CDT1: variants seen among roughly 807,000 people sequenced by gnomAD.
CDT1 encodes chromatin licensing and DNA replication factor 1.
A neutral mutation model predicts 49.3 loss-of-function variants in CDT1; 66 were observed. That is an observed-to-expected ratio of 1.34 (90% CI 1.10 to 1.64). The LOEUF is 1.64. Among genes scored for constraint, CDT1 ranks in the 40% most tolerant of loss-of-function variants. The pLI, the probability that CDT1 is intolerant of heterozygous loss-of-function variation, is 0.00. For missense variants in CDT1, 958 were observed against 807.7 expected (o/e 1.19, Z -2.26); for synonymous variants, 424 against 347.4 (o/e 1.22, Z -2.45).
chr16:88,807,215 C>T lies in CDT1; in HGVS notation c.1275+12C>T, dbSNP rs1397884032. ...ATCTGCTGGAGCGGGTGAGTCGTCC[C>T]CAGTGATGGCGGGTGGGCGCCTGGT... On this transcript the variant is annotated intron_variant, in intron 8 of 9. Transcript: ENST00000301019. The T allele has an allele frequency of 6.2e-7, 1 of 1,612,002 alleles. No homozygotes were observed. Among genetic ancestry groups the T allele is most frequent in the Admixed American group, 1.7e-5 (1 of 59,914 alleles).
Position 88,808,206 on chromosome 16 carries a change from G to A in CDT1, c.1569G>A (p.Leu523=), listed in dbSNP as rs772466815. Residue 523 remains leucine, a synonymous_variant, in exon 10 of 10, where the codon CTG becomes CTA. Coordinates refer to ENST00000301019, the MANE Select transcript of CDT1 (RefSeq NM_030928.4). ...HRIRTDTYVK[L]DKAADLAHIT... ...TCCGCACCGACACCTACGTCAAGCT[G>A]GACAAGGCCGCGGACCTCGCCCACA... 9 of 1,612,198 alleles carry A rather than the reference G, an allele frequency of 5.6e-6. No individual in the cohort carries two copies. Among genetic ancestry groups the A allele is most frequent in the African/African-American group, 2.7e-5 (2 of 74,942 alleles).
In CDT1 at chr16:88,805,724, G is replaced by A. The variant is rs746159430; in HGVS notation, c.687G>A (p.Arg229=). The part of the protein sequence containing the change: ...VQRGVQDMMR[R]RFEECNVGQI... ...CTGAGCCGCCCCCATCCTCCCATAG[G>A]CGTTTTGAGGAGTGCAATGTTGGCC... The change falls in exon 5 of 10, where the codon AGG becomes AGA. Residue 229 remains arginine (R), a splice_region_variant and synonymous_variant. Coordinates refer to ENST00000301019, the MANE Select transcript of CDT1 (RefSeq NM_030928.4). 6.3e-5 allele frequency: 101 copies of A among 1,612,826 alleles called. 2 individuals carry two copies. The East Asian group carries it at 2.3e-3, about 36-fold the overall frequency.
At position 88,807,094 on chromosome 16, in the gene CDT1, C is replaced by T. The variant is rs563958108; in HGVS notation, c.1166C>T (p.Pro389Leu). 6.2e-7 allele frequency: 1 copy of T among 1,612,818 alleles called. No homozygotes were observed. The highest frequency in any genetic ancestry group is 1.3e-5 in the African/African-American group (1 of 75,054). Residue 389 changes from proline (P) to leucine (L), a missense_variant, in exon 8 of 10, where the codon CCC becomes CTC. By Grantham distance (98) the Pro-to-Leu change is moderately conservative. Transcript: ENST00000301019. ...LSQLALRSAA[P>L]SSPGSPRPAL... ...CAATTGGCCCTGCGCTCTGCTGCGCCCAGCAGCCCCGGGTCTCCCAGGCCA... is the reference window on the plus strand; with the variant it reads ...CAATTGGCCCTGCGCTCTGCTGCGCTCAGCAGCCCCGGGTCTCCCAGGCCA...
chr16:88,803,828 C>T lies in CDT1; in HGVS notation c.-4C>T, dbSNP rs1326090963. 10 of 1,514,820 alleles carry T rather than the reference C, an allele frequency of 6.6e-6. No homozygotes were observed. The highest frequency in any genetic ancestry group is 4.3e-5 in the African/African-American group (3 of 69,232). 93.8% of individuals were successfully genotyped at this position (1,514,820 alleles called of 1,614,324 possible). A position where few individuals can be genotyped will look rare whatever the true frequency, so the allele number is the denominator to read the frequency against. On this transcript the variant is annotated 5_prime_UTR_variant, in exon 1 of 10. Coordinates refer to ENST00000301019, the MANE Select transcript of CDT1 (RefSeq NM_030928.4). ...TCCTTGCTTTCGCCGCGCACTCCGCCGCCATGGAGCAGCGCCGCGTCACCG... is the reference window on the plus strand; with the variant it reads ...TCCTTGCTTTCGCCGCGCACTCCGCTGCCATGGAGCAGCGCCGCGTCACCG...
In CDT1 at chr16:88,804,056, C is replaced by T; in HGVS notation, c.225C>T (p.Asp75=). ...PARRRLRLSV[D]EVSSPSTPEA... is the part of the protein sequence containing the mutation. ...GCAGGAGACTGCGGCTGTCGGTGGACGAGGTGAGGGGCGTGGGGAGACTGA... is the reference window on the plus strand; with the variant it reads ...GCAGGAGACTGCGGCTGTCGGTGGATGAGGTGAGGGGCGTGGGGAGACTGA... Residue 75 remains aspartate (D), a synonymous_variant, in exon 1 of 10, where the codon GAC becomes GAT. Transcript: ENST00000301019. 4.1e-6 allele frequency: 6 copies of T among 1,446,608 alleles called. No homozygotes were observed. Among genetic ancestry groups the T allele is most frequent in the Non-Finnish European group, 5.4e-6 (6 of 1,106,434 alleles). 89.6% of individuals were successfully genotyped at this position (1,446,608 alleles called of 1,614,324 possible). A position where few individuals can be genotyped will look rare whatever the true frequency, so the allele number is the denominator to read the frequency against.
chr16:88,807,163 C>G lies in CDT1; in HGVS notation c.1235C>G (p.Pro412Arg). The change falls in exon 8 of 10, where the codon CCC (proline) becomes CGC (arginine). Residue 412 changes from proline to arginine, a missense_variant. Physicochemically the swap from Pro to Arg is moderately radical, Grantham distance 103 (BLOSUM62 -2). Transcript: ENST00000301019. ...TPPATPPAAS[P>R]SALKGVSQDL... ...CCAGCCACCCCGCCTGCAGCCTCTCCCAGTGCTCTGAAGGGGGTGTCCCAG... is the reference window on the plus strand; with the variant it reads ...CCAGCCACCCCGCCTGCAGCCTCTCGCAGTGCTCTGAAGGGGGTGTCCCAG... 6.2e-7 allele frequency: 1 copy of G among 1,612,548 alleles called. No homozygotes were observed. The highest frequency in any genetic ancestry group is 8.5e-7 in the Non-Finnish European group (1 of 1,179,862).
chr16:88,809,220 ACCT>A lies in CDT1; in HGVS notation c.*946_*948del, dbSNP rs1018724506. 11 of 347,052 alleles carry A rather than the reference ACCT, an allele frequency of 3.2e-5. No homozygotes were observed. The highest frequency in any genetic ancestry group is 8.6e-5 in the African/African-American group (4 of 46,576). 21.5% of individuals were successfully genotyped at this position (347,052 alleles called of 1,614,324 possible). Reference sequence around the variant, plus strand: ...CCACACCTTGACTTCAGTATTTCTGACCTCCTAAACTCTAATAAAGTCATGCTT... The same window carrying A: ...CCACACCTTGACTTCAGTATTTCTGACCTAAACTCTAATAAAGTCATGCTT... On this transcript the variant is annotated 3_prime_UTR_variant, in exon 10 of 10. Transcript: ENST00000301019.
At chr16:88,804,210 G>T (rs1486537801) in intron 1 of CDT1, 151 bp downstream of exon 1, 2 of 673,234 alleles carry the variant, frequency 3.0e-6, no homozygotes, top group Admixed American at 3.8e-5. Flanking sequence ...CAGGCCGGGG[G>T]ATCCTGGGGG....
Position 88,807,121 on chromosome 16 carries a change from C to T in CDT1, c.1193C>T (p.Ala398Val), listed in dbSNP as rs775060554. ...AGCAGCCCCGGGTCTCCCAGGCCAG[C>T]ACTGCCGGCTACCCCACCAGCCACC... Reference protein sequence around the residue: ...APSSPGSPRPALPATPPATPP... With the variant: ...APSSPGSPRPVLPATPPATPP... Residue 398 changes from alanine to valine, a missense_variant, in exon 8 of 10, where the codon GCA (alanine) becomes GTA (valine). Ala to Val is a moderately conservative substitution (Grantham distance 64, BLOSUM62 0). Transcript: ENST00000301019. 2 of 1,612,758 alleles carry T rather than the reference C, an allele frequency of 1.2e-6. No individual in the cohort carries two copies. The highest frequency in any genetic ancestry group is 2.2e-5 in the East Asian group (1 of 44,884).
In CDT1 at chr16:88,807,983, C is replaced by G. The variant is rs531018071; in HGVS notation, c.1478-132C>G. 16 of 988,038 alleles carry G rather than the reference C, an allele frequency of 1.6e-5. No homozygotes were observed. The African/African-American group carries it at 2.1e-4, about 13-fold the overall frequency. 61.2% of individuals were successfully genotyped at this position (988,038 alleles called of 1,614,324 possible). A position where few individuals can be genotyped will look rare whatever the true frequency, so the allele number is the denominator to read the frequency against. ...GCCTCTGATCAGAACCACCTCTGCCCTAAGTCCTGGTGATGGGGCCCTGAG... is the reference window on the plus strand; with the variant it reads ...GCCTCTGATCAGAACCACCTCTGCCGTAAGTCCTGGTGATGGGGCCCTGAG... On this transcript the variant is annotated intron_variant, in intron 9 of 9. Transcript: ENST00000301019.
chr16:88,808,005 T>C (rs1362228374), intron 9 of CDT1, 110 bp from the exon 10 acceptor site: 1 of 1,269,312 alleles, frequency 7.9e-7, no homozygotes, highest in Non-Finnish European at 1.1e-6. Context: ...GATGGGGCCC[T>C]GAGGGCGACC....
Position 88,807,499 on chromosome 16 carries a change from G to A in CDT1, c.1477+17G>A, listed in dbSNP as rs549161916. On this transcript the variant is annotated intron_variant, in intron 9 of 9. Transcript: ENST00000301019. ...TGAGCCCTGGTACGTGCAGGGCGGG[G>A]TGAAGGGGCGTGCAGGGTGGAATTG... The A allele has an allele frequency of 6.2e-7, 1 of 1,609,048 alleles. No individual in the cohort carries two copies.
At position 88,805,439 on chromosome 16, in the gene CDT1, G is replaced by A. The variant is rs779758670; in HGVS notation, c.489-1G>A. 1 of 1,612,544 alleles carries A rather than the reference G, an allele frequency of 6.2e-7. No homozygotes were observed. The highest frequency in any genetic ancestry group is 8.5e-7 in the Non-Finnish European group (1 of 1,179,862). On this transcript the variant is annotated splice_acceptor_variant, in intron 3 of 9. Transcript: ENST00000301019. LOFTEE classifies it high-confidence loss of function. ...TCATGAGGCTCCTCCCTCCCTGACAGTGGCGAGAAGGCGCCCGCCTACCAG... is the reference window on the plus strand; with the variant it reads ...TCATGAGGCTCCTCCCTCCCTGACAATGGCGAGAAGGCGCCCGCCTACCAG...
intron 3 of CDT1, 53 bp from the exon 4 acceptor site, chr16:88,805,387 G>A (rs935593596): frequency 8.1e-6 from 13 of 1,602,380 alleles, no homozygotes; most frequent in African/African-American, 4.0e-5. Context: ...CTGCTGTGGC[G>A]TTGGAGGGGT....
At chr16:88,804,218 G>A (rs1425205224) in intron 1 of CDT1, among the ~76,000 whole-genome samples, 159 bp downstream of exon 1, 1 of 152,156 alleles carries the variant, frequency 6.6e-6, no homozygotes, top group Non-Finnish European at 1.5e-5. Flanking sequence ...GGGATCCTGG[G>A]GGCGCCCTGC....
chr16:88,808,294 T>A lies in CDT1; in HGVS notation c.*16T>A. ...GGGGCTGTGAGCCTGGGGGCCACTG[T>A]GGACAGACGTGGGCTTCAGAAGCTC... On this transcript the variant is annotated 3_prime_UTR_variant, in exon 10 of 10. Transcript: ENST00000301019. 6.4e-7 allele frequency: 1 copy of A among 1,567,526 alleles called. No homozygotes were observed. The highest frequency in any genetic ancestry group is 8.7e-7 in the Non-Finnish European group (1 of 1,155,826).
chr16:88,807,676 C>G (rs1908919120), intron 9 of CDT1, among the ~76,000 whole-genome samples, 194 bp downstream of exon 9: 1 of 152,172 alleles, frequency 6.6e-6, no homozygotes, highest in Non-Finnish European at 1.5e-5. Flanking sequence ...TCCGCCCGGC[C>G]CCTCCACACC....
chr16:88,805,711 C>T lies in CDT1; in HGVS notation c.687-13C>T, dbSNP rs1183729704. On this transcript the variant is annotated splice_polypyrimidine_tract_variant and intron_variant, in intron 4 of 9. Transcript: ENST00000301019. ...CCGGGCCTGCCTCCTGAGCCGCCCC[C>T]ATCCTCCCATAGGCGTTTTGAGGAG... 3 of 1,612,720 alleles carry T rather than the reference C, an allele frequency of 1.9e-6. No homozygotes were observed. Among genetic ancestry groups the T allele is most frequent in the South Asian group, 1.1e-5 (1 of 91,088 alleles).
In CDT1 at chr16:88,809,070, C is replaced by T. The variant is rs8191509; in HGVS notation, c.*792C>T. The T allele has an allele frequency of 0.21, 47,931 of 223,046 alleles. 6,284 individuals carry two copies. Among genetic ancestry groups the T allele is most frequent in the East Asian group, 0.54 (4,594 of 8,558 alleles). The allele number at this position is 223,046 out of a possible 1,614,324, so 13.8% of individuals were successfully genotyped here. On this transcript the variant is annotated 3_prime_UTR_variant, in exon 10 of 10. Coordinates refer to ENST00000301019, the MANE Select transcript of CDT1 (RefSeq NM_030928.4). ...GCTACGCCCCATGTCATCACAGGGC[C>T]TTCATGACAGGGCCAGAGCCAGCCA...
Sources: gnomAD v4.1 joint callset for allele counts (sites outside exome capture counted in the v4.1 genomes callset) on GRCh38, gnomAD v4.1.1 for gene constraint, MANE v1.5 for transcripts, NCBI Gene and HGNC (gene_info 2026-07-23, HGNC 2026-07-21) for gene names.